ADGRG6: variants seen among roughly 807,000 people sequenced by gnomAD.
The protein encoded by ADGRG6 is adhesion G protein-coupled receptor G6, also known as G-protein coupled receptor 126.
In ADGRG6, 84 loss-of-function variants were observed where a neutral mutation model predicts 142.4. That is an observed-to-expected ratio of 0.59 (90% confidence interval 0.49 to 0.71). The LOEUF (loss-of-function observed/expected upper bound fraction) is 0.71, where lower values mean the gene tolerates loss of function less well. Among genes scored for constraint, ADGRG6 ranks in the 30% least tolerant of loss-of-function variants. The pLI, the probability that ADGRG6 is intolerant of heterozygous loss-of-function variation, is 0.00. For missense variants in ADGRG6, 1,367 were observed against 1,466.6 expected, an observed-to-expected ratio of 0.93 and a Z score of 1.11; for synonymous variants, 521 against 520.5, an observed-to-expected ratio of 1.00 and a Z score of -0.01.
intron 2 of ADGRG6, among the ~76,000 whole-genome samples, chr6:142,367,085 G>C (rs1382642908): frequency 6.6e-6 from 1 of 151,922 alleles, no homozygotes; most frequent in Admixed American, 6.6e-5. Flanking sequence ...TATTTTCTAA[G>C]AGTTTCTCTT....
chr6:142,363,380 A>G (rs1306853924), intron 2 of ADGRG6, among the ~76,000 whole-genome samples: 1 of 152,178 alleles, frequency 6.6e-6, no homozygotes, highest in Non-Finnish European at 1.5e-5. Flanking sequence ...TCTATATCAA[A>G]ATGTTATTTA....
chr6:142,359,714 A>G (rs1017069312), intron 2 of ADGRG6, among the ~76,000 whole-genome samples: 3 of 152,236 alleles, frequency 2.0e-5, no homozygotes, highest in African/African-American at 7.2e-5. Flanking sequence ...ACATGACTGT[A>G]TTCCCAGAAC....
intron 12 of ADGRG6, 38 bp from the exon 13 acceptor site, chr6:142,402,582 G>A: frequency 9.6e-7 from 1 of 1,042,450 alleles, no homozygotes; most frequent in Non-Finnish European, 1.5e-6. Context: ...AAATATTCAG[G>A]TAAAACTTAG....
intron 22 of ADGRG6, among the ~76,000 whole-genome samples, chr6:142,431,268 T>G (rs190096678): frequency 1.3e-5 from 2 of 152,212 alleles, no homozygotes; most frequent in East Asian, 3.9e-4. Context: ...TCTTAAAGAA[T>G]CAAGGCAGTT....
intron 2 of ADGRG6, among the ~76,000 whole-genome samples, chr6:142,352,960 C>G (rs1165976832): frequency 6.6e-6 from 1 of 152,144 alleles, no homozygotes; most frequent in Non-Finnish European, 1.5e-5. Flanking sequence ...GATCTCCTCC[C>G]TCTCCTTTCT....
At chr6:142,331,288 T>G (rs986716432) in intron 2 of ADGRG6, among the ~76,000 whole-genome samples, 2 of 152,136 alleles carry the variant, frequency 1.3e-5, no homozygotes, top group African/African-American at 4.8e-5. Context: ...CTCTGAATCT[T>G]ATGGCTCCTT....
chr6:142,383,763 C>G lies in ADGRG6; in HGVS notation c.1142C>G (p.Thr381Ser). 6.7e-7 allele frequency: 1 copy of G among 1,502,844 alleles called. No individual in the cohort carries two copies. The allele number at this position is 1,502,844 out of a possible 1,614,324, so 93.1% of individuals were successfully genotyped here. A position where few individuals can be genotyped will look rare whatever the true frequency, so the allele number is the denominator to read the frequency against. ...CADLGTLCQA[T>S]VNSPSTTPPT... The stretch of plus-strand genomic sequence containing the variant: ...TCTTTCTCATCTTTATTACCAGCTA[C>G]TGTAAACTCTCCTAGTACTACACCA... The change falls in exon 6 of 25, where the codon ACT (threonine) becomes AGT (serine). Residue 381 changes from threonine to serine, a missense_variant. By Grantham distance (58) the Thr-to-Ser change is moderately conservative. Coordinates refer to ENST00000367609, the MANE Select transcript of ADGRG6 (RefSeq NM_198569.3).
chr6:142,331,786 G>T (rs1779076646), intron 2 of ADGRG6, among the ~76,000 whole-genome samples: 1 of 151,966 alleles, frequency 6.6e-6, no homozygotes, highest in African/African-American at 2.4e-5. Context: ...GTCACTGCTT[G>T]CTAGCACCCC....
In ADGRG6 at chr6:142,404,043, C is replaced by CTTAA. The variant is rs1347057566; in HGVS notation, c.2127+70_2127+71insTTAA. The CTTAA allele has an allele frequency of 5.2e-6, 6 of 1,159,476 alleles. No homozygotes were observed. The African/African-American group carries it at 9.2e-5, about 18-fold the overall frequency. 71.8% of individuals were successfully genotyped at this position (1,159,476 alleles called of 1,614,324 possible). On this transcript the variant is annotated intron_variant, in intron 14 of 24. Coordinates refer to ENST00000367609, the MANE Select transcript of ADGRG6 (RefSeq NM_198569.3). Reference sequence around the variant, plus strand: ...ATATAAAAACTTGCTGATCACTTAGCAGTTGCTGCTTCCAAGAGGTCTTGG... The same window carrying CTTAA: ...ATATAAAAACTTGCTGATCACTTAGCTTAAAGTTGCTGCTTCCAAGAGGTCTTGG...
intron 2 of ADGRG6, among the ~76,000 whole-genome samples, chr6:142,338,082 G>A (rs1267754795): frequency 1.4e-4 from 16 of 118,060 alleles, no homozygotes; most frequent in African/African-American, 2.2e-4. Flanking sequence ...GTGCAGTGGC[G>A]CGATCTTGGC....
rs112490548 is a variant in ADGRG6, at chr6:142,302,089, G to A, written c.-241G>A. 14,438 of 530,788 alleles carry A rather than the reference G, an allele frequency of 0.027. 1,637 individuals carry two copies. The highest frequency in any genetic ancestry group is 0.25 in the African/African-American group (12,655 of 51,156). 32.9% of individuals were successfully genotyped at this position (530,788 alleles called of 1,614,324 possible). A position where few individuals can be genotyped will look rare whatever the true frequency, so the allele number is the denominator to read the frequency against. On this transcript the variant is annotated 5_prime_UTR_variant, in exon 1 of 25. Transcript: ENST00000367609. ...CCCTGCCAACTTCCCTGCGAGGAGG[G>A]ACCTGCCGCCAGCCTGCTTCCTCGT...
chr6:142,387,234 A>G (rs1368028512), intron 6 of ADGRG6, among the ~76,000 whole-genome samples: 1 of 152,218 alleles, frequency 6.6e-6, no homozygotes, highest in African/African-American at 2.4e-5. Flanking sequence ...TCCAAATCAT[A>G]TCTTCTCTGC....
chr6:142,430,239 T>C (rs867761353), intron 22 of ADGRG6, among the ~76,000 whole-genome samples: 1 of 152,144 alleles, frequency 6.6e-6, no homozygotes, highest in Non-Finnish European at 1.5e-5. Context: ...AAAAGTCAAC[T>C]TAGAATATTT....
intron 6 of ADGRG6, among the ~76,000 whole-genome samples, chr6:142,386,007 T>G (rs1782000660): frequency 6.6e-6 from 1 of 152,208 alleles, no homozygotes; most frequent in South Asian, 2.1e-4. Flanking sequence ...TCCTTTTAAC[T>G]CTTGGCTATC....
chr6:142,302,471 G>C (rs1777272676), intron 1 of ADGRG6, 140 bp downstream of exon 1: 1 of 863,612 alleles, frequency 1.2e-6, no homozygotes. Context: ...AAACCGGTTT[G>C]TCTTCAGTTT....
chr6:142,386,109 T>C (rs1782005703), intron 6 of ADGRG6, among the ~76,000 whole-genome samples: 1 of 152,230 alleles, frequency 6.6e-6, no homozygotes, highest in South Asian at 2.1e-4. Flanking sequence ...TTTATCATAG[T>C]ATATCAATAG....
At chr6:142,363,069 A>G (rs1020965189) in intron 2 of ADGRG6, among the ~76,000 whole-genome samples, 1 of 152,186 alleles carries the variant, frequency 6.6e-6, no homozygotes, top group Non-Finnish European at 1.5e-5. Context: ...CTACAAGCTC[A>G]TTAGCTGCAA....
Position 142,420,086 on chromosome 6 carries a change from A to G in ADGRG6, c.3301A>G (p.Ile1101Val). 6 of 1,612,078 alleles carry G rather than the reference A, an allele frequency of 3.7e-6. No homozygotes were observed. Among genetic ancestry groups the G allele is most frequent in the Non-Finnish European group, 5.1e-6 (6 of 1,178,508 alleles). Residue 1101 changes from isoleucine to valine, a missense_variant, in exon 22 of 25, where the codon ATC (isoleucine) becomes GTC (valine). Coordinates refer to ENST00000367609, the MANE Select transcript of ADGRG6 (RefSeq NM_198569.3). Reference sequence around the variant, plus strand: ...TATCCCCTTCATGTACCTCTTCTCCATCTTCAATTCATTACAAGGTAAGAT... The same window carrying G: ...TATCCCCTTCATGTACCTCTTCTCCGTCTTCAATTCATTACAAGGTAAGAT... ...LNIPFMYLFS[I>V]FNSLQGLFIF...
rs768189429 is a variant in ADGRG6, at chr6:142,370,806, C to T, written c.1069+13C>T. 70 of 1,579,194 alleles carry T rather than the reference C, an allele frequency of 4.4e-5. No homozygotes were observed. Among genetic ancestry groups the T allele is most frequent in the African/African-American group, 3.0e-4 (22 of 72,956 alleles). ...AACCTAAGCTGTGGTGAGTTTGTAG[C>T]GTATTCCTTTTTTTTTTTTTTTTTA... On this transcript the variant is annotated intron_variant, in intron 4 of 24. Coordinates refer to ENST00000367609, the MANE Select transcript of ADGRG6 (RefSeq NM_198569.3).
Sources: allele counts gnomAD v4.1 joint callset (sites outside exome capture counted in the v4.1 genomes callset), GRCh38; gene constraint gnomAD v4.1.1; transcripts MANE v1.5; gene names NCBI Gene and HGNC (gene_info 2026-07-23, HGNC 2026-07-21).